Variants in B3GALT1 observed in about 807,000 individuals in gnomAD.
B3GALT1 encodes UDP-Gal:betaGlcNAc beta 1,3-galactosyltransferase, polypeptide 1.
B3GALT1 carries 10 observed loss-of-function variants against 23.2 expected under a neutral mutation model. That is an observed-to-expected ratio of 0.43 (90% CI 0.27 to 0.73). The LOEUF is 0.73. B3GALT1 is among the 30% of genes least tolerant of loss of function. The pLI, the probability that B3GALT1 is intolerant of heterozygous loss-of-function variation, is 0.21. For missense variants in B3GALT1, 299 were observed against 405.4 expected, an observed-to-expected ratio of 0.74 and a Z score of 2.25; for synonymous variants, 156 against 141.5, an observed-to-expected ratio of 1.10 and a Z score of -0.73.
intron 3 of B3GALT1, among the ~76,000 whole-genome samples, chr2:167,757,804 C>T (rs927618101): frequency 3.3e-5 from 5 of 152,058 alleles, no homozygotes; most frequent in African/African-American, 1.2e-4. Context: ...CCTTATAAAG[C>T]CAGCCCATAA....
intron 2 of B3GALT1, among the ~76,000 whole-genome samples, chr2:167,496,582 C>T (rs1699787345): frequency 1.3e-5 from 2 of 152,154 alleles, no homozygotes; most frequent in African/African-American, 4.8e-5. Context: ...GTGCCAGTCA[C>T]TGTTCTAGGC....
chr2:167,303,367 C>T (rs1334790909), intron 1 of B3GALT1, among the ~76,000 whole-genome samples: 1 of 152,144 alleles, frequency 6.6e-6, no homozygotes, highest in Non-Finnish European at 1.5e-5. Flanking sequence ...GTAACCACTC[C>T]TACCAGTTTC....
chr2:167,396,816 A>G (rs1698106641), intron 1 of B3GALT1, among the ~76,000 whole-genome samples: 1 of 151,946 alleles, frequency 6.6e-6, no homozygotes, highest in Non-Finnish European at 1.5e-5. Flanking sequence ...AAAGTATAAT[A>G]CTATCCCTCA....
At chr2:167,809,523 G>T in intron 3 of B3GALT1, among the ~76,000 whole-genome samples, 1 of 152,228 alleles carries the variant, frequency 6.6e-6, no homozygotes. Context: ...TCAGCTGCAG[G>T]TCTGTTAGAG....
intron 4 of B3GALT1, among the ~76,000 whole-genome samples, chr2:167,823,594 C>T (rs146805344): frequency 1.3e-3 from 199 of 152,252 alleles, no homozygotes; most frequent in African/African-American, 4.4e-3. Context: ...TAAAATATGC[C>T]CTGGTTCATT....
intron 1 of B3GALT1, among the ~76,000 whole-genome samples, chr2:167,378,764 G>A (rs935800922): frequency 6.6e-6 from 1 of 151,980 alleles, no homozygotes; most frequent in African/African-American, 2.4e-5. Context: ...ACCTTGTCTT[G>A]GATGTCATTG....
chr2:167,668,619 C>T (rs11687720), intron 3 of B3GALT1, among the ~76,000 whole-genome samples: 64,518 of 152,062 alleles, frequency 0.42, 15,059 homozygotes, highest in Non-Finnish European at 0.52. Flanking sequence ...GGGCTTAGGA[C>T]CCTCCAAGCC....
intron 4 of B3GALT1, among the ~76,000 whole-genome samples, chr2:167,829,621 T>G (rs1689302886): frequency 6.6e-6 from 1 of 152,212 alleles, no homozygotes; most frequent in African/African-American, 2.4e-5. Context: ...TCCAGAGGCC[T>G]TTCATGTCTC....
intron 1 of B3GALT1, among the ~76,000 whole-genome samples, chr2:167,354,845 C>T (rs188026226): frequency 1.4e-4 from 21 of 152,308 alleles, no homozygotes; most frequent in African/African-American, 4.8e-4. Flanking sequence ...TATTGTCTTC[C>T]TGCGCAGTCT....
chr2:167,794,579 C>A (rs1404474252), intron 3 of B3GALT1, among the ~76,000 whole-genome samples: 1 of 152,200 alleles, frequency 6.6e-6, no homozygotes, highest in Non-Finnish European at 1.5e-5. Context: ...AACCAGAAAG[C>A]TTTGCTGCAT....
intron 1 of B3GALT1, among the ~76,000 whole-genome samples, chr2:167,322,348 G>GA (rs1255543387): frequency 2.1e-4 from 32 of 150,172 alleles, no homozygotes; most frequent in Admixed American, 7.9e-4. Context: ...CTCTCTGAAC[G>GA]AAAAAATGAT....
chr2:167,824,894 A>G (rs1440531322), intron 4 of B3GALT1, among the ~76,000 whole-genome samples: 2 of 152,190 alleles, frequency 1.3e-5, no homozygotes, highest in Non-Finnish European at 2.9e-5. Context: ...GTACACAATT[A>G]GATGTGTGGG....
chr2:167,571,983 G>A (rs1684301271), intron 2 of B3GALT1, among the ~76,000 whole-genome samples: 1 of 151,800 alleles, frequency 6.6e-6, no homozygotes, highest in Non-Finnish European at 1.5e-5. Flanking sequence ...CTATAATCTA[G>A]TTGTATCAGA....
intron 2 of B3GALT1, among the ~76,000 whole-genome samples, chr2:167,572,025 A>T (rs1684302192): frequency 6.6e-6 from 1 of 151,892 alleles, no homozygotes; most frequent in African/African-American, 2.4e-5. Context: ...AATGTCTCTT[A>T]TATTGATGCA....
rs993735557 is a variant in B3GALT1 at position 167,293,032 on chromosome 2, C to T, written c.-813C>T. 5.3e-5 allele frequency: 8 copies of T among 151,922 alleles called. No individual in the cohort carries two copies. The highest frequency in any genetic ancestry group is 1.4e-4 in the African/African-American group (6 of 41,518). 9.4% of individuals were successfully genotyped at this position (151,922 alleles called of 1,614,324 possible). A position where few individuals can be genotyped will look rare whatever the true frequency, so the allele number is the denominator to read the frequency against. On this transcript the variant is annotated 5_prime_UTR_variant, in exon 1 of 5. Coordinates refer to ENST00000392690, the MANE Select transcript of B3GALT1 (RefSeq NM_020981.4). ...ATCGCCGGGGAAGCGCAGCCGGGCT[C>T]GGGTGCTTCGGCTGCCGCCGCGGCT...
At chr2:167,651,354 AGAGTT>A (rs1444673136) in intron 3 of B3GALT1, among the ~76,000 whole-genome samples, 1 of 152,116 alleles carries the variant, frequency 6.6e-6, no homozygotes, top group African/African-American at 2.4e-5. Context: ...AAGAATAGGT[AGAGTT>A]TAGTCCAGAC....
At chr2:167,785,067 T>C (rs1196913991) in intron 3 of B3GALT1, among the ~76,000 whole-genome samples, 1 of 152,224 alleles carries the variant, frequency 6.6e-6, no homozygotes, top group Non-Finnish European at 1.5e-5. Flanking sequence ...TTGGTGACCC[T>C]GGAGAAGTCA....
intron 2 of B3GALT1, among the ~76,000 whole-genome samples, chr2:167,580,172 A>G (rs981045586): frequency 2.6e-5 from 4 of 152,186 alleles, no homozygotes; most frequent in Non-Finnish European, 5.9e-5. Flanking sequence ...ATACCTTTTA[A>G]AATATGCTTG....
At chr2:167,443,888 G>A (rs951434602) in intron 1 of B3GALT1, among the ~76,000 whole-genome samples, 4 of 152,158 alleles carry the variant, frequency 2.6e-5, no homozygotes, top group African/African-American at 9.7e-5. Context: ...GCCCTGGCCA[G>A]AATTTCCAAC....
Sources: allele counts gnomAD v4.1 joint callset (sites outside exome capture counted in the v4.1 genomes callset), GRCh38; gene constraint gnomAD v4.1.1; transcripts MANE v1.5; gene names NCBI Gene and HGNC (gene_info 2026-07-23, HGNC 2026-07-21).